The following RASAL2 variants were observed in gnomAD, a reference collection of about 807,000 sequenced individuals.
RASAL2 encodes ras GTPase-activating protein nGAP.
Under a neutral mutation model 128.9 loss-of-function variants are expected in RASAL2, and 58 were observed. The observed-to-expected ratio is 0.45, with a 90% CI of 0.36 to 0.56. The LOEUF (loss-of-function observed/expected upper bound fraction) is 0.56, where lower values mean the gene tolerates loss of function less well. Among genes scored for constraint, RASAL2 ranks in the 20% least tolerant of loss-of-function variants. The pLI, the probability that RASAL2 is intolerant of heterozygous loss-of-function variation, is 0.00. For synonymous variants in RASAL2, 561 were observed against 580.8 expected, an observed-to-expected ratio of 0.97 and a Z score of 0.49; for missense variants, 1,360 against 1,601.6, an observed-to-expected ratio of 0.85 and a Z score of 2.57.
chr1:178,473,275 G>T lies in RASAL2; in HGVS notation c.*36G>T. The T allele has an allele frequency of 6.2e-7, 1 of 1,611,900 alleles. No individual in the cohort carries two copies. Among genetic ancestry groups the T allele is most frequent in the South Asian group, 1.1e-5 (1 of 90,990 alleles). On this transcript the variant is annotated 3_prime_UTR_variant, in exon 18 of 18. Transcript: ENST00000367649. ...CTGTGGAAGGAGACAGAAGGAAATT[G>T]ACCCACTCTCCTATCTCCAGACCTT...
intron 1 of RASAL2, among the ~76,000 whole-genome samples, chr1:178,189,282 A>C (rs1038331352): frequency 6.6e-6 from 1 of 152,212 alleles, no homozygotes; most frequent in African/African-American, 2.4e-5. Flanking sequence ...GTGAGGATAT[A>C]ATAACCAATT....
intron 1 of RASAL2, among the ~76,000 whole-genome samples, chr1:178,145,508 C>T (rs1237983274): frequency 3.3e-4 from 45 of 138,192 alleles, no homozygotes; most frequent in African/African-American, 1.1e-3. Context: ...GCCTTTTTTC[C>T]GTTGCTCTGA....
intron 4 of RASAL2, among the ~76,000 whole-genome samples, chr1:178,408,374 G>A (rs1674122650): frequency 6.6e-6 from 1 of 151,988 alleles, no homozygotes. Context: ...AGAGAAAAAA[G>A]CATTTTCCTC....
At chr1:178,321,424 C>T (rs1452768742) in intron 3 of RASAL2, among the ~76,000 whole-genome samples, 1 of 152,162 alleles carries the variant, frequency 6.6e-6, no homozygotes, top group African/African-American at 2.4e-5. Flanking sequence ...ACCCTGAAAT[C>T]TGGCTTTATT....
At chr1:178,409,856 A>C (rs187900450) in intron 4 of RASAL2, among the ~76,000 whole-genome samples, 2 of 152,228 alleles carry the variant, frequency 1.3e-5, no homozygotes, top group Non-Finnish European at 2.9e-5. Context: ...GACTCAGTAC[A>C]TGGTTGGTCC....
chr1:178,243,740 GTCC>G (rs1383492334), intron 1 of RASAL2, among the ~76,000 whole-genome samples: 2 of 151,878 alleles, frequency 1.3e-5, no homozygotes, highest in African/African-American at 4.8e-5. Context: ...CACTATTTTG[GTCC>G]TCCTTGTCCT....
intron 3 of RASAL2, among the ~76,000 whole-genome samples, chr1:178,345,918 T>G (rs138281848): frequency 4.6e-5 from 7 of 152,252 alleles, no homozygotes; most frequent in African/African-American, 1.7e-4. Flanking sequence ...CCAGTATGAT[T>G]ATAGAATATT....
intron 1 of RASAL2, among the ~76,000 whole-genome samples, chr1:178,154,855 C>T (rs933643505): frequency 2.6e-5 from 4 of 152,072 alleles, no homozygotes; most frequent in African/African-American, 9.7e-5. Context: ...CAGAGTTTCA[C>T]TCTTGTTGCC....
intron 2 of RASAL2, among the ~76,000 whole-genome samples, chr1:178,288,291 A>G (rs1452870227): frequency 1.3e-5 from 2 of 152,186 alleles, no homozygotes; most frequent in Admixed American, 1.3e-4. Context: ...GATGTTTTTC[A>G]TACCTTCTCC....
At chr1:178,270,378 G>T in intron 1 of RASAL2, among the ~76,000 whole-genome samples, 1 of 150,512 alleles carries the variant, frequency 6.6e-6, no homozygotes, top group African/African-American at 2.4e-5. Context: ...CCATCTTTTT[G>T]TCTTTTTGAT....
chr1:178,116,609 A>G (rs927673624), intron 1 of RASAL2, among the ~76,000 whole-genome samples: 11 of 151,456 alleles, frequency 7.3e-5, no homozygotes, highest in South Asian at 4.2e-4. Context: ...TTGTTATTTT[A>G]TTTTATTTTA....
chr1:178,199,102 C>T (rs1055269230), intron 1 of RASAL2, among the ~76,000 whole-genome samples: 1 of 152,202 alleles, frequency 6.6e-6, no homozygotes, highest in African/African-American at 2.4e-5. Context: ...GCGTGGGACC[C>T]GCTGAGCCAG....
chr1:178,127,280 C>A (rs1348959910), intron 1 of RASAL2, among the ~76,000 whole-genome samples: 1 of 151,946 alleles, frequency 6.6e-6, no homozygotes, highest in Non-Finnish European at 1.5e-5. Context: ...CTCTTGGCTT[C>A]GAATTATTCT....
chr1:178,147,404 C>T (rs1279340217), intron 1 of RASAL2, among the ~76,000 whole-genome samples: 5 of 150,294 alleles, frequency 3.3e-5, no homozygotes, highest in East Asian at 2.0e-4. Context: ...GCAGGAGAAT[C>T]GCTTGAGCCC....
intron 1 of RASAL2, among the ~76,000 whole-genome samples, chr1:178,209,406 C>A (rs1304403503): frequency 6.6e-6 from 1 of 152,150 alleles, no homozygotes; most frequent in Non-Finnish European, 1.5e-5. Context: ...ATTTCTGAAT[C>A]CTTGCCTGTC....
In RASAL2 at chr1:178,456,722, C is replaced by G. The variant is rs770687812; in HGVS notation, c.2213C>G (p.Ala738Gly). The G allele has an allele frequency of 1.2e-6, 2 of 1,614,060 alleles. No homozygotes were observed. The highest frequency in any genetic ancestry group is 1.7e-6 in the Non-Finnish European group (2 of 1,179,990). Residue 738 changes from alanine to glycine, a missense_variant and splice_region_variant, in exon 13 of 18, where the codon GCG becomes GGG. Physicochemically the swap from Ala to Gly is moderately conservative, Grantham distance 60. This residue lies in a region of RASAL2 where 741 missense variants were observed against 868.6 expected (regional missense o/e 0.85). Coordinates refer to ENST00000367649, the MANE Select transcript of RASAL2 (RefSeq NM_170692.4). Reference sequence around the variant, plus strand: ...TAGGGTGAAAATTCCTTCCTACAGGCGACCGTGGCAAAATTGGGGCCTCTC... The same window carrying G: ...TAGGGTGAAAATTCCTTCCTACAGGGGACCGTGGCAAAATTGGGGCCTCTC... ...LWEVVSQLDK[A>G]TVAKLGPLPR...
chr1:178,235,191 A>G (rs969690594), intron 1 of RASAL2, among the ~76,000 whole-genome samples: 2 of 152,222 alleles, frequency 1.3e-5, no homozygotes, highest in African/African-American at 4.8e-5. Context: ...AAGTAAAAGA[A>G]TGTCAAAGGA....
chr1:178,366,632 G>T (rs1272809553), intron 3 of RASAL2, among the ~76,000 whole-genome samples: 1 of 121,384 alleles, frequency 8.2e-6, no homozygotes, highest in Non-Finnish European at 1.6e-5. Context: ...ATCTTATTTG[G>T]ACATCCTTTT....
At chr1:178,377,747 A>C (rs941979982) in intron 3 of RASAL2, among the ~76,000 whole-genome samples, 25 of 152,100 alleles carry the variant, frequency 1.6e-4, no homozygotes, top group Non-Finnish European at 3.5e-4. Flanking sequence ...TGATAAGGTA[A>C]AACTGAAATA....
Sources: allele counts gnomAD v4.1 joint callset (sites outside exome capture counted in the v4.1 genomes callset), GRCh38; gene constraint gnomAD v4.1.1; regional missense constraint gnomAD v4.1.1; transcripts MANE v1.5; gene names NCBI Gene and HGNC (gene_info 2026-07-23, HGNC 2026-07-21).